FAM13A: variants seen among roughly 807,000 people sequenced by gnomAD.
The protein encoded by FAM13A is protein FAM13A.
Under a neutral mutation model 129.6 loss-of-function variants are expected in FAM13A, and 76 were observed. That is an observed-to-expected ratio of 0.59 (90% CI 0.49 to 0.71). The LOEUF is 0.71. FAM13A is among the 30% of genes least tolerant of loss of function. The pLI, the probability that FAM13A is intolerant of heterozygous loss-of-function variation, is 0.00. For synonymous variants in FAM13A, 443 were observed against 449.9 expected (o/e 0.98, Z 0.20); for missense variants, 1,108 against 1,249.3 (o/e 0.89, Z 1.70).
intron 2 of FAM13A, among the ~76,000 whole-genome samples, chr4:89,022,322 C>A (rs1795721): frequency 6.6e-6 from 1 of 151,876 alleles, no homozygotes; most frequent in Non-Finnish European, 1.5e-5. Context: ...AAAATCAATC[C>A]TGAGAAAAAA....
At chr4:89,039,015 A>T (rs535910143) in intron 1 of FAM13A, among the ~76,000 whole-genome samples, 1 of 152,194 alleles carries the variant, frequency 6.6e-6, no homozygotes, top group Non-Finnish European at 1.5e-5. Context: ...ACTTCTCATC[A>T]TGTGCTCCTG....
At chr4:88,822,877 C>T (rs1489208017) in intron 7 of FAM13A, 13 of 1,537,406 alleles carry the variant, frequency 8.5e-6, no homozygotes, top group Middle Eastern at 2.1e-4. Context: ...ACACACTTTG[C>T]AGCATGTTAC....
At chr4:89,028,644 T>G (rs922543087) in intron 2 of FAM13A, among the ~76,000 whole-genome samples, 4 of 151,986 alleles carry the variant, frequency 2.6e-5, no homozygotes, top group Non-Finnish European at 5.9e-5. Context: ...TGAGCTATGA[T>G]CATATCACTG....
intron 4 of FAM13A, among the ~76,000 whole-genome samples, chr4:88,942,182 G>T (rs376344835): frequency 1.3e-5 from 2 of 152,062 alleles, no homozygotes; most frequent in South Asian, 2.1e-4. Context: ...TATCCTAGAT[G>T]AAAAAAACTG....
At chr4:88,806,104 T>C (rs778854059) in intron 7 of FAM13A, among the ~76,000 whole-genome samples, 2 of 152,216 alleles carry the variant, frequency 1.3e-5, no homozygotes, top group Non-Finnish European at 2.9e-5. Context: ...GAGTGATCTC[T>C]GAACTTTTAA....
rs138689742 is a variant in FAM13A at position 88,851,042 on chromosome 4, T to C, written c.985A>G (p.Ile329Val). 1.2e-6 allele frequency: 2 copies of C among 1,613,926 alleles called. No homozygotes were observed. Among genetic ancestry groups the C allele is most frequent in the African/African-American group, 2.7e-5 (2 of 74,920 alleles). The change falls in exon 7 of 24, where the codon ATT becomes GTT. Residue 329 changes from isoleucine (I) to valine (V), a missense_variant. By Grantham distance (29) the Ile-to-Val change is conservative. This residue lies in a region of FAM13A where 566 missense variants were observed against 595.7 expected (regional missense o/e 0.95). Transcript: ENST00000264344. ...AACCTGGGTACCAACTTGGCACTAA[T>C]AGCACCCTCTGCTGAATTCATGTCT... Reference protein sequence around the residue: ...LEDMNSAEGAISAKLVPSSQE... With the variant: ...LEDMNSAEGAVSAKLVPSSQE...
chr4:88,848,325 T>C (rs1737023484), intron 7 of FAM13A, among the ~76,000 whole-genome samples: 1 of 152,192 alleles, frequency 6.6e-6, no homozygotes, highest in Non-Finnish European at 1.5e-5. Context: ...GGTCTCTGGA[T>C]TCCCTCCTGT....
chr4:88,834,722 C>A (rs1178390123), intron 7 of FAM13A, among the ~76,000 whole-genome samples: 2 of 152,112 alleles, frequency 1.3e-5, no homozygotes, highest in African/African-American at 4.8e-5. Context: ...ACTGTAAATA[C>A]CTCTGGAAAT....
rs199936059 is a variant in FAM13A, at chr4:88,945,990, G to GTATATATATA, written c.606-7759_606-7750dup. Among the ~76,000 whole-genome samples, 597 of 61,454 alleles carry GTATATATATA rather than the reference G, an allele frequency of 9.7e-3. 13 individuals carry two copies. Among genetic ancestry groups the GTATATATATA allele is most frequent in the East Asian group, 0.042 (119 of 2,832 alleles). 40.3% of individuals were successfully genotyped at this position (61,454 alleles called of 152,430 possible). A position where few individuals can be genotyped will look rare whatever the true frequency, so the allele number is the denominator to read the frequency against. Reference sequence around the variant, plus strand: ...TGTGTGTGTGTGTGTGTGTGTGTGTGTATATATATATATATATATATATAT... The same window carrying GTATATATATA: ...TGTGTGTGTGTGTGTGTGTGTGTGTGTATATATATATATATATATATATATATATATATAT... On this transcript the variant is annotated intron_variant, in intron 4 of 23. Coordinates refer to ENST00000264344, the MANE Select transcript of FAM13A (RefSeq NM_014883.4).
intron 8 of FAM13A, among the ~76,000 whole-genome samples, chr4:88,791,291 T>A (rs534263120): frequency 6.6e-6 from 1 of 152,264 alleles, no homozygotes; most frequent in South Asian, 2.1e-4. Context: ...GATTTTCCCA[T>A]TTTTTTAAAG....
chr4:88,855,839 G>A (rs910782064), intron 6 of FAM13A: 8 of 152,244 alleles, frequency 5.3e-5, no homozygotes, highest in African/African-American at 1.7e-4. Context: ...GAACTGTGAT[G>A]ATACAACAGT....
intron 6 of FAM13A, among the ~76,000 whole-genome samples, chr4:88,852,544 C>A (rs966608281): frequency 9.9e-5 from 15 of 152,146 alleles, no homozygotes; most frequent in African/African-American, 2.4e-5. Context: ...TTACACATTG[C>A]CTGATACTTT....
intron 6 of FAM13A, among the ~76,000 whole-genome samples, chr4:88,880,152 T>C (rs62308745): frequency 0.3 from 45,607 of 151,948 alleles, 7,325 homozygotes; most frequent in African/African-American, 0.39. Flanking sequence ...CTTTTGCTCC[T>C]AGAACTACCA....
At chr4:88,823,915 C>T (rs1311005236) in intron 7 of FAM13A, among the ~76,000 whole-genome samples, 2 of 152,194 alleles carry the variant, frequency 1.3e-5, no homozygotes, top group East Asian at 3.9e-4. Flanking sequence ...ACTATTTCTG[C>T]ATTTTATTCT....
chr4:88,858,134 T>C lies in FAM13A; in HGVS notation c.844-6951A>G, dbSNP rs112034220. 3.6e-3 allele frequency among the ~76,000 whole-genome samples: 550 copies of C among 152,356 alleles called. 2 individuals carry two copies. The highest frequency in any genetic ancestry group is 0.012 in the African/African-American group (518 of 41,592). On this transcript the variant is annotated intron_variant, in intron 6 of 23. Coordinates refer to ENST00000264344, the MANE Select transcript of FAM13A (RefSeq NM_014883.4). ...ATGAGTCAAGAAACTACATTGGCTC[T>C]AACTATATGGCCCCATGGTAGAGCC...
intron 4 of FAM13A, among the ~76,000 whole-genome samples, chr4:88,945,783 GTATATA>G (rs146789971): frequency 2.4e-5 from 3 of 127,040 alleles, no homozygotes; most frequent in East Asian, 4.2e-4. Context: ...CTATGTGGTT[GTATATA>G]TATATATAAG....
intron 7 of FAM13A, among the ~76,000 whole-genome samples, chr4:88,820,296 C>T (rs1731644488): frequency 6.6e-6 from 1 of 152,112 alleles, no homozygotes; most frequent in Non-Finnish European, 1.5e-5. Flanking sequence ...TATTACTATG[C>T]TAATCATACT....
intron 5 of FAM13A, among the ~76,000 whole-genome samples, chr4:88,920,023 C>G (rs938946275): frequency 6.6e-6 from 1 of 152,234 alleles, no homozygotes; most frequent in Non-Finnish European, 1.5e-5. Flanking sequence ...CCCAGGCTTG[C>G]TTAGGTAAAC....
chr4:88,875,003 T>C (rs74710229), intron 6 of FAM13A, among the ~76,000 whole-genome samples: 33,206 of 151,730 alleles, frequency 0.22, 3,961 homozygotes, highest in South Asian at 0.48. Flanking sequence ...TACAAGCATA[T>C]GATCTTTGAC....
Sources: gnomAD v4.1 joint callset for allele counts (sites outside exome capture counted in the v4.1 genomes callset) on GRCh38, gnomAD v4.1.1 for gene constraint, gnomAD v4.1.1 regional missense constraint, MANE v1.5 for transcripts, NCBI Gene and HGNC (gene_info 2026-07-23, HGNC 2026-07-21) for gene names.